The following TDRD5 variants were observed in gnomAD, a reference collection of about 807,000 sequenced individuals.
TDRD5 encodes the protein tudor domain-containing protein 5.
TDRD5 carries 41 observed loss-of-function variants against 120.6 expected under a neutral mutation model. That is an observed-to-expected ratio of 0.34 (90% confidence interval 0.26 to 0.44). TDRD5 has a LOEUF of 0.44. TDRD5 is among the 20% of genes least tolerant of loss of function. TDRD5 has a pLI of 1.00. For missense variants in TDRD5, 1,006 were observed against 1,221.2 expected, an observed-to-expected ratio of 0.82 and a Z score of 2.63; for synonymous variants, 430 against 433.7, an observed-to-expected ratio of 0.99 and a Z score of 0.11.
intron 4 of TDRD5, among the ~76,000 whole-genome samples, chr1:179,617,326 G>A (rs1173575880): frequency 6.6e-6 from 1 of 152,164 alleles, no homozygotes; most frequent in Non-Finnish European, 1.5e-5. Flanking sequence ...AGCGCTGCTT[G>A]CCAGAGGAGC....
At position 179,672,126 on chromosome 1, in the gene TDRD5, T is replaced by C. The variant is rs1390130793; in HGVS notation, c.2860+2722T>C. 2.0e-5 allele frequency among the ~76,000 whole-genome samples: 3 copies of C among 148,676 alleles called. No individual in the cohort carries two copies. In the Admixed American group the frequency reaches 2.0e-4, roughly 10 times the overall value. On this transcript the variant is annotated intron_variant, in intron 17 of 17. Coordinates refer to ENST00000444136, the MANE Select transcript of TDRD5 (RefSeq NM_001199085.3). ...GTATAATGACTTCTTTTCCTCTAGG[T>C]AGATACCTAGTAGTGGGATTGCTGG...
rs1020113999 is a variant in TDRD5, at chr1:179,647,557, T to C, written c.1801-3310T>C. 7.9e-5 allele frequency among the ~76,000 whole-genome samples: 12 copies of C among 151,556 alleles called. No homozygotes were observed. The East Asian group carries it at 1.7e-3, about 22-fold the overall frequency. On this transcript the variant is annotated intron_variant, in intron 11 of 17. Transcript: ENST00000444136. ...TAGGCATGGGCAAGGACTTCATGTC[T>C]AAAACACCAAAAGCAATGGCAACAA...
intron 6 of TDRD5, among the ~76,000 whole-genome samples, chr1:179,629,094 TG>T (rs1158767088): frequency 6.6e-6 from 1 of 152,182 alleles, no homozygotes; most frequent in Non-Finnish European, 1.5e-5. Flanking sequence ...GAATAAGAGC[TG>T]TCAAGTCAAA....
At chr1:179,653,063 A>C (rs1054841791) in intron 13 of TDRD5, among the ~76,000 whole-genome samples, 4 of 152,218 alleles carry the variant, frequency 2.6e-5, no homozygotes, top group African/African-American at 9.6e-5. Context: ...ATTTTGGATA[A>C]GGGATACTCA....
chr1:179,592,762 G>A lies in TDRD5; in HGVS notation c.147G>A (p.Gly49=). ...ACCATCTACCACTCCGAATCCTTGG[G>A]TATCGGTCCACTATGGAGCTGGTAT... The part of the protein sequence containing the change: ...VGNHLPLRIL[G]YRSTMELVLD... The change falls in exon 2 of 18, where the codon GGG becomes GGA. Residue 49 remains glycine (G), a synonymous_variant. Transcript: ENST00000444136. The A allele has an allele frequency of 6.2e-7, 1 of 1,614,166 alleles. No individual in the cohort carries two copies. The highest frequency in any genetic ancestry group is 2.2e-5 in the East Asian group (1 of 44,888).
chr1:179,662,788 A>G (rs369429835), intron 15 of TDRD5, among the ~76,000 whole-genome samples: 3 of 152,222 alleles, frequency 2.0e-5, no homozygotes, highest in African/African-American at 4.8e-5. Context: ...ACAATAAACC[A>G]TAGGCCAATT....
chr1:179,659,527 A>G (rs1461444392), intron 14 of TDRD5, among the ~76,000 whole-genome samples: 1 of 150,212 alleles, frequency 6.7e-6, no homozygotes, highest in Non-Finnish European at 1.5e-5. Context: ...ATGCACTGAT[A>G]TCAGTATAGC....
chr1:179,642,749 A>G, intron 11 of TDRD5, among the ~76,000 whole-genome samples: 1 of 152,192 alleles, frequency 6.6e-6, no homozygotes, highest in East Asian at 1.9e-4. Context: ...CTCAATAACT[A>G]GGTTTTTAAC....
chr1:179,669,259 T>C lies in TDRD5; in HGVS notation c.2715T>C (p.Ser905=), dbSNP rs1679730384. ...CCAAATTGGAAGAATTCTGTACCTC[T>C]CTTACCCAGTCAGAGCAGTCAGCAG... is the stretch of plus-strand genomic sequence containing the variant. ...TLPKLEEFCT[S]LTQSEQSADG... is the part of the protein sequence containing the mutation. The change falls in exon 17 of 18, where the codon TCT becomes TCC. Residue 905 remains serine (S), a synonymous_variant. Transcript: ENST00000444136. 6.2e-7 allele frequency: 1 copy of C among 1,614,184 alleles called. No individual in the cohort carries two copies. Among genetic ancestry groups the C allele is most frequent in the Non-Finnish European group, 8.5e-7 (1 of 1,180,036 alleles).
intron 14 of TDRD5, among the ~76,000 whole-genome samples, chr1:179,654,763 G>A (rs1260771714): frequency 6.6e-6 from 1 of 152,010 alleles, no homozygotes; most frequent in East Asian, 1.9e-4. Flanking sequence ...GTGAGACTCT[G>A]TCTCAAAAAA....
intron 17 of TDRD5, among the ~76,000 whole-genome samples, chr1:179,673,487 C>G (rs867088183): frequency 2.6e-5 from 4 of 152,052 alleles, no homozygotes; most frequent in Non-Finnish European, 1.5e-5. Flanking sequence ...GACATGTGCC[C>G]AAGGTGGTCA....
intron 14 of TDRD5, among the ~76,000 whole-genome samples, chr1:179,655,476 T>G (rs887231762): frequency 2.0e-5 from 3 of 152,218 alleles, no homozygotes; most frequent in Non-Finnish European, 2.9e-5. Context: ...ATAGTAAAAT[T>G]GACTGTTTTG....
At chr1:179,647,454 G>T (rs1471282177) in intron 11 of TDRD5, among the ~76,000 whole-genome samples, 1 of 152,052 alleles carries the variant, frequency 6.6e-6, no homozygotes, top group Non-Finnish European at 1.5e-5. Flanking sequence ...ATCAATTCAA[G>T]GTGGATTAAA....
chr1:179,645,107 A>C (rs1678275795), intron 11 of TDRD5, among the ~76,000 whole-genome samples: 1 of 104,372 alleles, frequency 9.6e-6, no homozygotes, highest in Non-Finnish European at 1.8e-5. Flanking sequence ...TTTTTTTGAG[A>C]CGGAGTCTCG....
chr1:179,593,583 G>A lies in TDRD5; in HGVS notation c.356G>A (p.Arg119Gln), dbSNP rs747425677. The change falls in exon 3 of 18, where the codon CGG becomes CAG. Residue 119 changes from arginine (R) to glutamine (Q), a missense_variant. Around this residue, in one of 3 missense-constraint regions of TDRD5, gnomAD observed 445 missense variants for 515.5 expected, o/e 0.86. Transcript: ENST00000444136. ...ATTTATTCTGGACCGAGATCTCATC[G>A]GCGAGTACCTTACCGAGGAAGGGTT... is the stretch of plus-strand genomic sequence containing the variant. ...PSIYSGPRSHRRVPYRGRVAP... is the reference protein window; with the variant it reads ...PSIYSGPRSHQRVPYRGRVAP... 1.4e-5 allele frequency: 23 copies of A among 1,614,176 alleles called. No homozygotes were observed. The South Asian group carries it at 2.3e-4, about 16-fold the overall frequency.
chr1:179,644,127 G>A (rs10798704), intron 11 of TDRD5, among the ~76,000 whole-genome samples: 141,414 of 152,250 alleles, frequency 0.93, 66,286 homozygotes, highest in Non-Finnish European at 0.99. Context: ...GCTTGTCACT[G>A]GCAATCTTGA....
intron 5 of TDRD5, among the ~76,000 whole-genome samples, chr1:179,618,980 T>C (rs966925505): frequency 6.6e-6 from 1 of 152,170 alleles, no homozygotes; most frequent in Admixed American, 6.5e-5. Context: ...ACCAATTTTA[T>C]AAATGTACAT....
intron 15 of TDRD5, among the ~76,000 whole-genome samples, chr1:179,662,772 C>T (rs1394409883): frequency 1.3e-5 from 2 of 152,174 alleles, no homozygotes; most frequent in African/African-American, 4.8e-5. Context: ...GAGGATTCAT[C>T]ATGGGACAAT....
intron 16 of TDRD5, among the ~76,000 whole-genome samples, chr1:179,668,977 C>G (rs185732885): frequency 1.3e-5 from 2 of 151,960 alleles, no homozygotes; most frequent in Non-Finnish European, 2.9e-5. Flanking sequence ...ATCTCCTGAC[C>G]TCGTGATCCG....
Sources: gnomAD v4.1 joint callset for allele counts (sites outside exome capture counted in the v4.1 genomes callset) on GRCh38, gnomAD v4.1.1 for gene constraint, gnomAD v4.1.1 regional missense constraint, MANE v1.5 for transcripts, NCBI Gene and HGNC (gene_info 2026-07-23, HGNC 2026-07-21) for gene names.